The following PCMTD1 variants were observed in gnomAD, a reference collection of about 807,000 sequenced individuals.
PCMTD1 encodes protein-L-isoaspartate O-methyltransferase domain-containing protein 1.
In PCMTD1, 12 loss-of-function variants were observed where a neutral mutation model predicts 37.6. The observed-to-expected ratio is 0.32, with a 90% CI of 0.20 to 0.52. The LOEUF is 0.52. Among genes scored for constraint, PCMTD1 ranks in the 20% least tolerant of loss-of-function variants. The probability of loss-of-function intolerance (pLI) is 0.97; values close to 1 mark genes in which losing one functional copy is unlikely to be tolerated. For synonymous variants in PCMTD1, 117 were observed against 135.8 expected (o/e 0.86, Z 0.96); for missense variants, 235 against 421.3 (o/e 0.56, Z 3.87).
intron 1 of PCMTD1, among the ~76,000 whole-genome samples, chr8:51,870,747 A>G (rs985244390): frequency 6.6e-6 from 1 of 152,232 alleles, no homozygotes; most frequent in Non-Finnish European, 1.5e-5. Context: ...CTCCTGACGC[A>G]TAATTCAAAA....
rs943003389 is a variant in PCMTD1, at chr8:51,818,106, A to T, written c.*2245T>A. 2.0e-5 allele frequency: 7 copies of T among 357,400 alleles called. No homozygotes were observed. The Admixed American group carries it at 2.3e-4, about 12-fold the overall frequency. 22.1% of individuals were successfully genotyped at this position (357,400 alleles called of 1,614,324 possible). A position where few individuals can be genotyped will look rare whatever the true frequency, so the allele number is the denominator to read the frequency against. On this transcript the variant is annotated 3_prime_UTR_variant, in exon 6 of 6. Coordinates refer to ENST00000522514, the MANE Select transcript of PCMTD1 (RefSeq NM_052937.4). ...TAAATTCATTAAAAAATAAACACAA[A>T]CCCAAAATATTCTTATTCTAATATA...
intron 1 of PCMTD1, among the ~76,000 whole-genome samples, chr8:51,885,276 T>C (rs1275954841): frequency 3.3e-5 from 5 of 152,182 alleles, no homozygotes; most frequent in Admixed American, 6.5e-5. Context: ...GGGGAGGATA[T>C]CTTCGCTTCT....
chr8:51,826,899 T>G lies in PCMTD1; in HGVS notation c.706+4545A>C, dbSNP rs562734805. On this transcript the variant is annotated intron_variant, in intron 5 of 5. Transcript: ENST00000522514. ...ATAGGATTTTTAAATGTAATAAAAT[T>G]AGTGGTGAATCAAGATGAAAAATTA... The G allele has an allele frequency of 5.9e-5, 52 of 875,910 alleles. No individual in the cohort carries two copies. In the Admixed American group the frequency reaches 8.1e-4, roughly 14 times the overall value. 54.3% of individuals were successfully genotyped at this position (875,910 alleles called of 1,614,324 possible).
chr8:51,826,191 A>G (rs1344859281), intron 5 of PCMTD1, among the ~76,000 whole-genome samples: 1 of 152,242 alleles, frequency 6.6e-6, no homozygotes, highest in East Asian at 1.9e-4. Flanking sequence ...GCCATAAAAA[A>G]AGGATGAGTT....
In PCMTD1 at chr8:51,850,099, G is replaced by A. The variant is rs1222655565; in HGVS notation, c.308-4336C>T. On this transcript the variant is annotated intron_variant, in intron 2 of 5. Coordinates refer to ENST00000522514, the MANE Select transcript of PCMTD1 (RefSeq NM_052937.4). ...TGAGGTCAAAATACTGGTGTGGTGAGAAAGATAGTAGATTAAAGGTCAGAT... is the reference window on the plus strand; with the variant it reads ...TGAGGTCAAAATACTGGTGTGGTGAAAAAGATAGTAGATTAAAGGTCAGAT... 13 of 702,306 alleles carry A rather than the reference G, an allele frequency of 1.9e-5. No homozygotes were observed. In the Admixed American group the frequency reaches 2.6e-4, roughly 14 times the overall value. The allele number at this position is 702,306 out of a possible 1,614,324, so 43.5% of individuals were successfully genotyped here. A position where few individuals can be genotyped will look rare whatever the true frequency, so the allele number is the denominator to read the frequency against.
upstream of PCMTD1, chr8:51,899,110 A>G: frequency 6.9e-7 from 1 of 1,445,926 alleles, no homozygotes; most frequent in East Asian, 2.9e-5. Flanking sequence ...GGGTCCGGGC[A>G]TGCGCAGAGA....
chr8:51,885,943 C>T (rs1390820377), intron 1 of PCMTD1, among the ~76,000 whole-genome samples: 1 of 152,184 alleles, frequency 6.6e-6, no homozygotes, highest in Non-Finnish European at 1.5e-5. Context: ...TCTCCTTTAA[C>T]AACTAGTGAG....
At chr8:51,848,742 G>A (rs967004651) in intron 2 of PCMTD1, among the ~76,000 whole-genome samples, 4 of 152,010 alleles carry the variant, frequency 2.6e-5, no homozygotes, top group African/African-American at 9.7e-5. Flanking sequence ...TAAAGAATTT[G>A]ACAAACAATA....
At position 51,817,653 on chromosome 8, in the gene PCMTD1, C is replaced by G. The variant is rs560109382; in HGVS notation, c.*2698G>C. The G allele has an allele frequency of 4.7e-6, 1 of 211,464 alleles. No homozygotes were observed. The highest frequency in any genetic ancestry group is 9.7e-6 in the Non-Finnish European group (1 of 103,160). 13.1% of individuals were successfully genotyped at this position (211,464 alleles called of 1,614,324 possible). On this transcript the variant is annotated 3_prime_UTR_variant, in exon 6 of 6. Coordinates refer to ENST00000522514, the MANE Select transcript of PCMTD1 (RefSeq NM_052937.4). The stretch of plus-strand genomic sequence containing the variant: ...CAATGATTTAACAGGCTTTGCTTCA[C>G]TTTTATCATCTCAAACAGCTATAAA...
At chr8:51,822,716 C>T (rs558057458) in intron 5 of PCMTD1, among the ~76,000 whole-genome samples, 2 of 152,132 alleles carry the variant, frequency 1.3e-5, no homozygotes, top group African/African-American at 2.4e-5. Flanking sequence ...GGGGCAAGGT[C>T]GGGGCTGGAG....
chr8:51,844,035 A>G (rs986241998), intron 3 of PCMTD1, among the ~76,000 whole-genome samples: 1 of 152,230 alleles, frequency 6.6e-6, no homozygotes, highest in African/African-American at 2.4e-5. Flanking sequence ...CTTAATAGCA[A>G]TTAAATAAAA....
chr8:51,862,948 A>T (rs1232750941), intron 1 of PCMTD1, among the ~76,000 whole-genome samples: 1 of 152,152 alleles, frequency 6.6e-6, no homozygotes, highest in Non-Finnish European at 1.5e-5. Context: ...GTGCAATAGG[A>T]GATGCCAATT....
At chr8:51,850,250 C>G (rs759644457) in intron 2 of PCMTD1, among the ~76,000 whole-genome samples, 1 of 152,152 alleles carries the variant, frequency 6.6e-6, no homozygotes, top group African/African-American at 2.4e-5. Context: ...AAACTTTGCA[C>G]ACTATAATGT....
chr8:51,890,206 C>G (rs2129295052), intron 1 of PCMTD1, among the ~76,000 whole-genome samples: 1 of 152,114 alleles, frequency 6.6e-6, no homozygotes, highest in African/African-American at 2.4e-5. Context: ...AATAAAGGTT[C>G]AAATTACTCT....
At chr8:51,846,282 T>C (rs2038218565) in intron 2 of PCMTD1, among the ~76,000 whole-genome samples, 1 of 152,196 alleles carries the variant, frequency 6.6e-6, no homozygotes, top group Non-Finnish European at 1.5e-5. Flanking sequence ...TTGGGCAGCA[T>C]GCTGGACTTG....
At chr8:51,841,079 T>A (rs1347566046) in intron 3 of PCMTD1, among the ~76,000 whole-genome samples, 2 of 152,112 alleles carry the variant, frequency 1.3e-5, no homozygotes, top group Non-Finnish European at 2.9e-5. Context: ...AAATCAACGT[T>A]TACATCATAA....
At chr8:51,850,770 G>T (rs1219031314) in intron 2 of PCMTD1, among the ~76,000 whole-genome samples, 7 of 151,908 alleles carry the variant, frequency 4.6e-5, no homozygotes, top group Non-Finnish European at 7.4e-5. Flanking sequence ...AAATATAAAA[G>T]GATCTTTCAA....
chr8:51,854,476 T>C (rs755150611), intron 2 of PCMTD1, among the ~76,000 whole-genome samples: 3 of 152,114 alleles, frequency 2.0e-5, no homozygotes, highest in African/African-American at 4.8e-5. Context: ...TAAGAAATAA[T>C]AGTTCAAATA....
chr8:51,851,959 T>C (rs971486351), intron 2 of PCMTD1, among the ~76,000 whole-genome samples: 4 of 152,206 alleles, frequency 2.6e-5, no homozygotes, highest in African/African-American at 9.6e-5. Context: ...CTCAAATTTT[T>C]CTTAATGCAA....
Sources: gnomAD v4.1 joint callset for allele counts (sites outside exome capture counted in the v4.1 genomes callset) on GRCh38, gnomAD v4.1.1 for gene constraint, MANE v1.5 for transcripts, NCBI Gene and HGNC (gene_info 2026-07-23, HGNC 2026-07-21) for gene names.